The following SLC4A4 variants were observed in gnomAD, a reference collection of about 807,000 sequenced individuals.
SLC4A4 encodes the protein electrogenic sodium bicarbonate cotransporter 1.
SLC4A4 carries 27 observed loss-of-function variants against 111.5 expected under a neutral mutation model. The observed-to-expected ratio is 0.24, with a 90% CI of 0.18 to 0.33. The LOEUF (loss-of-function observed/expected upper bound fraction) is 0.33, where lower values mean the gene tolerates loss of function less well. Ranked by LOEUF, SLC4A4 falls within the 10% of genes least tolerant of loss-of-function variation. The pLI, the probability that SLC4A4 is intolerant of heterozygous loss-of-function variation, is 1.00. For missense variants in SLC4A4, 909 were observed against 1,315.5 expected, an observed-to-expected ratio of 0.69 and a Z score of 4.78; for synonymous variants, 443 against 463.4, an observed-to-expected ratio of 0.96 and a Z score of 0.57.
intron 7 of SLC4A4, among the ~76,000 whole-genome samples, chr4:71,428,208 T>C (rs1723318789): frequency 6.6e-6 from 1 of 152,162 alleles, no homozygotes; most frequent in Middle Eastern, 3.2e-3. Context: ...TCAGAGAGCA[T>C]AAATAACCTA....
chr4:71,116,973 G>A (rs1034164941), intron 2 of SLC4A4, among the ~76,000 whole-genome samples: 1 of 151,396 alleles, frequency 6.6e-6, no homozygotes, highest in Admixed American at 6.6e-5. Flanking sequence ...TGTAAAAATT[G>A]TTTATTTATT....
Position 71,472,819 on chromosome 4 carries a change from G to C in SLC4A4, c.1752G>C (p.Thr584=), listed in dbSNP as rs747153129. 2 of 1,612,852 alleles carry C rather than the reference G, an allele frequency of 1.2e-6. No individual in the cohort carries two copies. Among genetic ancestry groups the C allele is most frequent in the African/African-American group, 2.7e-5 (2 of 74,896 alleles). ...SFLVQYFTRF[T]EEGFSSLISF... is the part of the protein sequence containing the mutation. ...TGGTTCAATACTTCACACGTTTCAC[G>C]GAGGAGGGCTTTTCCTCTCTGATTA... Residue 584 remains threonine, a synonymous_variant, in exon 14 of 26, where the codon ACG becomes ACC. Coordinates refer to ENST00000264485, the MANE Select transcript of SLC4A4 (RefSeq NM_001098484.3).
intron 3 of SLC4A4, among the ~76,000 whole-genome samples, chr4:71,289,591 C>T (rs759890962): frequency 6.6e-6 from 1 of 152,008 alleles, no homozygotes; most frequent in Non-Finnish European, 1.5e-5. Context: ...GGAAAAAAAA[C>T]AGTGCAAATG....
chr4:71,181,945 C>T (rs1745307149), intron 2 of SLC4A4, among the ~76,000 whole-genome samples: 1 of 152,204 alleles, frequency 6.6e-6, no homozygotes, highest in Non-Finnish European at 1.5e-5. Flanking sequence ...GTTATCATTA[C>T]AGAAGGATAA....
intron 2 of SLC4A4, among the ~76,000 whole-genome samples, chr4:71,152,641 T>A (rs1283066675): frequency 1.3e-5 from 2 of 152,092 alleles, no homozygotes; most frequent in Non-Finnish European, 2.9e-5. Context: ...GGACACACTA[T>A]TTTTTTCCAA....
At chr4:71,236,528 G>A (rs745405100) in intron 1 of SLC4A4, 48 bp from the exon 2 acceptor site, 20 of 1,551,586 alleles carry the variant, frequency 1.3e-5, no homozygotes, top group African/African-American at 4.1e-5. Flanking sequence ...CAAGTGGCTC[G>A]CTCCAGGAGA....
intron 3 of SLC4A4, among the ~76,000 whole-genome samples, chr4:71,268,776 C>A (rs537126302): frequency 6.6e-6 from 1 of 152,154 alleles, no homozygotes. Context: ...TGCAGTTTTC[C>A]ATCAAAGTTA....
At position 71,497,671 on chromosome 4, in the gene SLC4A4, T is replaced by C. The variant is rs1265349537; in HGVS notation, c.2145T>C (p.Thr715=). ...CCATGGCTCTGAAAAAATTCAAAAC[T>C]AGTCCTTATTTTCCAACCACAGTAA... ...TSSMALKKFK[T]SPYFPTTARK... Residue 715 remains threonine, a synonymous_variant, in exon 16 of 26, where the codon ACT becomes ACC. Coordinates refer to ENST00000264485, the MANE Select transcript of SLC4A4 (RefSeq NM_001098484.3). 5 of 1,613,170 alleles carry C rather than the reference T, an allele frequency of 3.1e-6. No homozygotes were observed. The highest frequency in any genetic ancestry group is 4.2e-6 in the Non-Finnish European group (5 of 1,179,316).
chr4:71,122,269 C>T (rs370942387), intron 2 of SLC4A4, among the ~76,000 whole-genome samples: 3 of 144,696 alleles, frequency 2.1e-5, no homozygotes, highest in Admixed American at 7.1e-5. Context: ...GCCGAGATCA[C>T]GCCACTGCAC....
chr4:71,313,333 G>T (rs187889909), intron 3 of SLC4A4, among the ~76,000 whole-genome samples: 13 of 152,242 alleles, frequency 8.5e-5, no homozygotes, highest in African/African-American at 2.6e-4. Context: ...AATCAATATC[G>T]TGAAAATGGC....
chr4:71,353,214 C>T (rs1163593436), intron 5 of SLC4A4, among the ~76,000 whole-genome samples: 1 of 152,190 alleles, frequency 6.6e-6, no homozygotes, highest in Non-Finnish European at 1.5e-5. Context: ...AACCTCCATG[C>T]ATTTACTTTA....
chr4:71,173,209 T>A (rs12509614), intron 2 of SLC4A4, among the ~76,000 whole-genome samples: 123,471 of 152,124 alleles, frequency 0.81, 53,594 homozygotes, highest in Non-Finnish European at 0.95. Context: ...CAAAGTCTAG[T>A]ATTTCCAAAT....
intron 2 of SLC4A4, among the ~76,000 whole-genome samples, chr4:71,156,549 T>C (rs1744468664): frequency 1.5e-5 from 1 of 68,130 alleles, no homozygotes. Flanking sequence ...AGTTGGCTTA[T>C]GTCCAAATAA....
chr4:71,326,581 T>G (rs1727520003), intron 3 of SLC4A4, among the ~76,000 whole-genome samples: 1 of 152,066 alleles, frequency 6.6e-6, no homozygotes, highest in African/African-American at 2.4e-5. Flanking sequence ...AGGTTTGTTT[T>G]GAGGATTCAA....
At chr4:71,554,825 T>C (rs561395730) in intron 20 of SLC4A4, among the ~76,000 whole-genome samples, 2 of 151,934 alleles carry the variant, frequency 1.3e-5, no homozygotes, top group South Asian at 4.1e-4. Context: ...TACATAGTTA[T>C]TCCTTTTCAG....
chr4:71,243,781 G>T (rs1217750426), intron 2 of SLC4A4, among the ~76,000 whole-genome samples: 1 of 152,146 alleles, frequency 6.6e-6, no homozygotes, highest in Non-Finnish European at 1.5e-5. Context: ...CCTTTCCATA[G>T]AGTTAGAATT....
intron 2 of SLC4A4, among the ~76,000 whole-genome samples, chr4:71,247,235 TAA>T (rs1046677066): frequency 1.0e-4 from 15 of 148,024 alleles, no homozygotes; most frequent in Non-Finnish European, 2.2e-4. Flanking sequence ...ATATTTTATA[TAA>T]GATATAATAT....
At chr4:71,268,649 T>C (rs1406142640) in intron 3 of SLC4A4, among the ~76,000 whole-genome samples, 1 of 152,242 alleles carries the variant, frequency 6.6e-6, no homozygotes, top group Non-Finnish European at 1.5e-5. Context: ...AGGAAATGTA[T>C]TTTCTTTAAA....
At chr4:71,383,986 A>G (rs541462030) in intron 6 of SLC4A4, among the ~76,000 whole-genome samples, 2 of 152,296 alleles carry the variant, frequency 1.3e-5, no homozygotes, top group Admixed American at 6.5e-5. Flanking sequence ...ATCTTCACCA[A>G]TGAGACTTCT....
Sources: allele counts gnomAD v4.1 joint callset (sites outside exome capture counted in the v4.1 genomes callset), GRCh38; gene constraint gnomAD v4.1.1; transcripts MANE v1.5; gene names NCBI Gene and HGNC (gene_info 2026-07-23, HGNC 2026-07-21).